ROBO2: variants seen among roughly 807,000 people sequenced by gnomAD.
ROBO2 encodes roundabout guidance receptor 2.
In ROBO2, 53 loss-of-function variants were observed where a neutral mutation model predicts 160.8. That is an observed-to-expected ratio of 0.33 (90% CI 0.26 to 0.41). ROBO2 has a LOEUF of 0.41. Ranked by LOEUF, ROBO2 falls within the 10% of genes least tolerant of loss-of-function variation. The probability of loss-of-function intolerance (pLI) is 1.00; values close to 1 mark genes in which losing one functional copy is unlikely to be tolerated. For missense variants in ROBO2, 1,577 were observed against 1,722.4 expected (o/e 0.92, Z 1.49); for synonymous variants, 664 against 611.7 (o/e 1.09, Z -1.26).
At chr3:76,338,743 ATAAT>A (rs1301616751) in intron 2 of ROBO2, among the ~76,000 whole-genome samples, 1 of 150,056 alleles carries the variant, frequency 6.7e-6, no homozygotes, top group African/African-American at 2.4e-5. Flanking sequence ...GAAATTATGT[ATAAT>A]TATTTTTATT....
chr3:76,452,340 A>G (rs886133873), intron 2 of ROBO2, among the ~76,000 whole-genome samples: 3 of 151,810 alleles, frequency 2.0e-5, no homozygotes, highest in Non-Finnish European at 4.4e-5. Flanking sequence ...CCCCCACACA[A>G]CAGTCCCCAG....
chr3:76,112,882 A>G (rs2070300861), intron 2 of ROBO2, among the ~76,000 whole-genome samples: 1 of 152,094 alleles, frequency 6.6e-6, no homozygotes, highest in Non-Finnish European at 1.5e-5. Context: ...TATCACTGAA[A>G]ATTCTAAAAT....
intron 2 of ROBO2, among the ~76,000 whole-genome samples, chr3:76,367,618 A>G (rs2075889338): frequency 6.6e-6 from 1 of 152,020 alleles, no homozygotes; most frequent in Non-Finnish European, 1.5e-5. Context: ...CACAAAAATG[A>G]AGGAAAATGG....
intron 2 of ROBO2, among the ~76,000 whole-genome samples, chr3:76,815,914 G>C (rs1283692359): frequency 6.6e-6 from 1 of 152,022 alleles, no homozygotes; most frequent in East Asian, 1.9e-4. Context: ...ATTAAATTCT[G>C]CTTATATGAC....
chr3:76,890,027 C>A (rs932961444), intron 2 of ROBO2, among the ~76,000 whole-genome samples: 2 of 152,080 alleles, frequency 1.3e-5, no homozygotes, highest in Non-Finnish European at 2.9e-5. Context: ...GCCGTTTGTG[C>A]CATCCTAAGG....
At chr3:76,607,801 G>T (rs1329016879) in intron 2 of ROBO2, among the ~76,000 whole-genome samples, 1 of 152,094 alleles carries the variant, frequency 6.6e-6, no homozygotes, top group Non-Finnish European at 1.5e-5. Context: ...CTCTTATCAC[G>T]TAGAAAACAC....
intron 2 of ROBO2, among the ~76,000 whole-genome samples, chr3:75,987,609 A>G (rs2065450575): frequency 6.6e-6 from 1 of 151,974 alleles, no homozygotes; most frequent in South Asian, 2.1e-4. Context: ...GTAGCAATGT[A>G]TGCCTCATTG....
intron 2 of ROBO2, among the ~76,000 whole-genome samples, chr3:76,059,429 C>T (rs1054233626): frequency 2.0e-4 from 31 of 152,204 alleles, no homozygotes; most frequent in Non-Finnish European, 3.7e-4. Flanking sequence ...CATGTGTTTT[C>T]TGGCTGCATA....
chr3:77,460,922 C>A lies in ROBO2; in HGVS notation c.389-16492C>A, dbSNP rs372879756. Among the ~76,000 whole-genome samples the A allele has an allele frequency of 9.1e-3, 1,381 of 152,162 alleles. 25 individuals carry two copies. Among genetic ancestry groups the A allele is most frequent in the African/African-American group, 0.032 (1,329 of 41,496 alleles). ...ATTATGAAATGAAGGAAATTAATCA[C>A]TATATTTTATTGAGCCATCCGCTGT... On this transcript the variant is annotated intron_variant, in intron 2 of 25. Coordinates refer to ENST00000461745, the Ensembl canonical transcript of ROBO2.
chr3:76,145,172 A>G (rs2071837968), intron 2 of ROBO2, among the ~76,000 whole-genome samples: 2 of 152,062 alleles, frequency 1.3e-5, no homozygotes, highest in African/African-American at 4.8e-5. Flanking sequence ...GGTTCTCCCA[A>G]TGCAGTAGGC....
intron 2 of ROBO2, among the ~76,000 whole-genome samples, chr3:76,443,805 C>T (rs2077039680): frequency 6.6e-6 from 1 of 152,052 alleles, no homozygotes; most frequent in Non-Finnish European, 1.5e-5. Context: ...ACGAATTCTC[C>T]AGATATTTCT....
intron 2 of ROBO2, among the ~76,000 whole-genome samples, chr3:76,566,544 A>G (rs570435855): frequency 9.0e-4 from 137 of 152,296 alleles, no homozygotes; most frequent in Middle Eastern, 3.4e-3. Flanking sequence ...TAAAGAATCT[A>G]GTTTAGTTTT....
chr3:76,746,594 G>A (rs537517969), intron 2 of ROBO2, among the ~76,000 whole-genome samples: 2 of 152,254 alleles, frequency 1.3e-5, no homozygotes, highest in African/African-American at 2.4e-5. Context: ...GTGATGGTGA[G>A]CATTTAATCC....
At chr3:77,432,129 G>A (rs1296709248) in intron 2 of ROBO2, among the ~76,000 whole-genome samples, 3 of 152,136 alleles carry the variant, frequency 2.0e-5, no homozygotes, top group African/African-American at 7.2e-5. Context: ...GATTTGTTCT[G>A]ACACTTTTGC....
chr3:76,272,896 A>G (rs1383065756), intron 2 of ROBO2, among the ~76,000 whole-genome samples: 1 of 56,328 alleles, frequency 1.8e-5, no homozygotes, highest in Non-Finnish European at 3.4e-5. Flanking sequence ...ATATAAAAAT[A>G]TAATATATAT....
intron 2 of ROBO2, among the ~76,000 whole-genome samples, chr3:76,750,979 C>T (rs1480710368): frequency 3.3e-5 from 5 of 152,134 alleles, no homozygotes; most frequent in Non-Finnish European, 5.9e-5. Context: ...AAAGAGCCCA[C>T]ATTGCCAAGA....
chr3:76,624,292 T>C (rs890671614), intron 2 of ROBO2, among the ~76,000 whole-genome samples: 1 of 152,124 alleles, frequency 6.6e-6, no homozygotes, highest in African/African-American at 2.4e-5. Context: ...ACCTGGTAAG[T>C]GGTGCTTGTT....
intron 2 of ROBO2, among the ~76,000 whole-genome samples, chr3:76,413,381 T>C (rs1366334003): frequency 1.3e-5 from 2 of 152,152 alleles, no homozygotes; most frequent in African/African-American, 4.8e-5. Flanking sequence ...CCCCAGAAAA[T>C]GGGTTTTTCT....
intron 2 of ROBO2, among the ~76,000 whole-genome samples, chr3:76,892,078 T>C (rs140397146): frequency 2.0e-5 from 3 of 150,476 alleles, no homozygotes; most frequent in Non-Finnish European, 2.9e-5. Context: ...AGATTAGACC[T>C]GAAGGATTTT....
Sources: allele counts gnomAD v4.1 joint callset (sites outside exome capture counted in the v4.1 genomes callset), GRCh38; gene constraint gnomAD v4.1.1; transcripts MANE v1.5; gene names NCBI Gene and HGNC (gene_info 2026-07-23, HGNC 2026-07-21).